The following ARL15 variants were observed in gnomAD, a reference collection of about 807,000 sequenced individuals.
ARL15 encodes ADP-ribosylation factor-like protein 15.
A neutral mutation model predicts 25.2 loss-of-function variants in ARL15; 19 were observed. The ratio of observed to expected loss-of-function variants is 0.75; its 90% CI spans 0.53 to 1.10. The LOEUF is 1.10. Ranked by LOEUF, ARL15 falls within the 50% of genes least tolerant of loss-of-function variation. The pLI, the probability that ARL15 is intolerant of heterozygous loss-of-function variation, is 0.00. For missense variants in ARL15, 220 were observed against 246.0 expected, an observed-to-expected ratio of 0.89 and a Z score of 0.71; for synonymous variants, 94 against 86.8, an observed-to-expected ratio of 1.08 and a Z score of -0.46.
intron 3 of ARL15, among the ~76,000 whole-genome samples, chr5:54,134,283 A>G (rs139247536): frequency 1.3e-5 from 2 of 152,326 alleles, no homozygotes; most frequent in East Asian, 3.9e-4. Flanking sequence ...GGATCATTTC[A>G]GGAAAGTATT....
chr5:54,120,861 A>G (rs978083596), intron 3 of ARL15, among the ~76,000 whole-genome samples: 2 of 152,210 alleles, frequency 1.3e-5, no homozygotes, highest in East Asian at 3.8e-4. Context: ...CATACCCAGG[A>G]TGAAATAAGA....
intron 1 of ARL15, among the ~76,000 whole-genome samples, chr5:54,294,015 A>T (rs1463387218): frequency 6.6e-6 from 1 of 152,060 alleles, no homozygotes; most frequent in Non-Finnish European, 1.5e-5. Flanking sequence ...TAGTTTCACC[A>T]TGTTGGCCAG....
intron 4 of ARL15, among the ~76,000 whole-genome samples, chr5:54,034,542 C>G (rs1750106894): frequency 6.6e-6 from 1 of 152,144 alleles, no homozygotes; most frequent in Non-Finnish European, 1.5e-5. Flanking sequence ...TATGTAACTA[C>G]TTCTGGAAAT....
chr5:54,245,651 G>A (rs11746608), intron 1 of ARL15, among the ~76,000 whole-genome samples: 57,863 of 151,804 alleles, frequency 0.38, 14,135 homozygotes, highest in Non-Finnish European at 0.53. Flanking sequence ...GCACTGGCGC[G>A]ATCTTGGCTC....
chr5:54,101,402 G>A (rs1480454341), intron 4 of ARL15, among the ~76,000 whole-genome samples: 1 of 151,974 alleles, frequency 6.6e-6, no homozygotes, highest in Non-Finnish European at 1.5e-5. Context: ...CATATTGAGT[G>A]TTTTATAAAA....
intron 1 of ARL15, among the ~76,000 whole-genome samples, chr5:54,238,123 T>C (rs1220614945): frequency 6.6e-6 from 1 of 152,164 alleles, no homozygotes. Flanking sequence ...ACATCCTTCC[T>C]GGCATTATGG....
intron 3 of ARL15, among the ~76,000 whole-genome samples, chr5:54,150,268 T>C (rs369453302): frequency 1.1e-3 from 160 of 152,238 alleles, no homozygotes; most frequent in Non-Finnish European, 2.0e-3. Context: ...AAGTTTTAGA[T>C]AGTTTGGAAA....
At chr5:54,274,444 G>GT (rs1757871646) in intron 1 of ARL15, among the ~76,000 whole-genome samples, 4 of 152,124 alleles carry the variant, frequency 2.6e-5, no homozygotes, top group Non-Finnish European at 5.9e-5. Flanking sequence ...ATTTCACAGT[G>GT]TAACTATTTT....
At chr5:53,981,940 C>T (rs933749988) in intron 4 of ARL15, among the ~76,000 whole-genome samples, 9 of 151,286 alleles carry the variant, frequency 5.9e-5, no homozygotes, top group Non-Finnish European at 1.3e-4. Context: ...GGAAGATTTT[C>T]AAAGCTAGGC....
At chr5:54,281,288 C>G (rs781132349) in intron 1 of ARL15, among the ~76,000 whole-genome samples, 1 of 151,966 alleles carries the variant, frequency 6.6e-6, no homozygotes, top group Admixed American at 6.5e-5. Flanking sequence ...TACAGGCGCC[C>G]GCCACCACGC....
chr5:54,075,401 A>C (rs191558882), intron 4 of ARL15: 1 of 153,984 alleles, frequency 6.5e-6, no homozygotes, highest in East Asian at 1.9e-4. Flanking sequence ...CGGTCATTTA[A>C]GATTTTATTC....
At chr5:53,903,988 A>C (rs1435737362) in intron 4 of ARL15, among the ~76,000 whole-genome samples, 1 of 152,222 alleles carries the variant, frequency 6.6e-6, no homozygotes, top group Non-Finnish European at 1.5e-5. Flanking sequence ...ACATGAAGGA[A>C]AAGAAAGTAC....
intron 4 of ARL15, among the ~76,000 whole-genome samples, chr5:54,065,210 A>C (rs1026161850): frequency 6.6e-6 from 1 of 152,256 alleles, no homozygotes; most frequent in Non-Finnish European, 1.5e-5. Flanking sequence ...AATTAAAACT[A>C]ATCTTTAAAG....
chr5:54,096,263 T>C (rs1296499103), intron 4 of ARL15, among the ~76,000 whole-genome samples: 1 of 152,184 alleles, frequency 6.6e-6, no homozygotes, highest in Non-Finnish European at 1.5e-5. Context: ...ATCTGTTATA[T>C]GTAGGTTATT....
Position 54,043,400 on chromosome 5 carries a change from C to T in ARL15, c.462+69802G>A, listed in dbSNP as rs548958090. 2.6e-5 allele frequency among the ~76,000 whole-genome samples: 4 copies of T among 152,234 alleles called. No individual in the cohort carries two copies. In the South Asian group the frequency reaches 8.3e-4, roughly 32 times the overall value. On this transcript the variant is annotated intron_variant, in intron 4 of 4. Coordinates refer to ENST00000504924, the MANE Select transcript of ARL15 (RefSeq NM_019087.3). ...TAGTCACTGGTTTTCAACCTGTAAT[C>T]TTTGACATTCTAGGATTCTGCTCAA...
intron 1 of ARL15, among the ~76,000 whole-genome samples, chr5:54,227,485 CAGA>C (rs1189609356): frequency 6.6e-6 from 1 of 152,168 alleles, no homozygotes; most frequent in Non-Finnish European, 1.5e-5. Context: ...ACTTGTGGGC[CAGA>C]AGACTTGCTC....
In ARL15 at chr5:54,066,435, A is replaced by G. The variant is rs10072187; in HGVS notation, c.462+46767T>C. Among the ~76,000 whole-genome samples the G allele has an allele frequency of 6.6e-3, 998 of 152,350 alleles. 9 individuals carry two copies. Among genetic ancestry groups the G allele is most frequent in the African/African-American group, 0.023 (946 of 41,580 alleles). ...AGCAGAAAATGCTTAGATGTTATAT[A>G]GCATGAACAATCAGAATACAACACT... On this transcript the variant is annotated intron_variant, in intron 4 of 4. Transcript: ENST00000504924.
chr5:53,948,497 C>T lies in ARL15; in HGVS notation c.463-61784G>A, dbSNP rs115356400. 4.5e-3 allele frequency among the ~76,000 whole-genome samples: 683 copies of T among 152,262 alleles called. 7 individuals are homozygous for T. Among genetic ancestry groups the T allele is most frequent in the African/African-American group, 0.016 (656 of 41,558 alleles). On this transcript the variant is annotated intron_variant, in intron 4 of 4. Coordinates refer to ENST00000504924, the MANE Select transcript of ARL15 (RefSeq NM_019087.3). ...GGAGAAAATCATTAGAAATTTGATC[C>T]TACACCCTATTCTTATTCACTGAAC...
intron 4 of ARL15, among the ~76,000 whole-genome samples, chr5:54,109,533 C>A (rs1752682091): frequency 6.6e-6 from 1 of 151,884 alleles, no homozygotes; most frequent in Non-Finnish European, 1.5e-5. Flanking sequence ...AATAGGATTA[C>A]ATTTATTGGC....
Sources: allele counts gnomAD v4.1 joint callset (sites outside exome capture counted in the v4.1 genomes callset), GRCh38; gene constraint gnomAD v4.1.1; transcripts MANE v1.5; gene names NCBI Gene and HGNC (gene_info 2026-07-23, HGNC 2026-07-21).